USP7: variants seen among roughly 807,000 people sequenced by gnomAD.
USP7 encodes the protein ubiquitin C-terminal hydrolase 7.
In USP7, 9 loss-of-function variants were observed where a neutral mutation model predicts 162.9. That is an observed-to-expected ratio of 0.06 (90% CI 0.03 to 0.10). The LOEUF is 0.10. Ranked by LOEUF, USP7 falls within the 10% of genes least tolerant of loss-of-function variation. The pLI is 1.00. For synonymous variants in USP7, 562 were observed against 475.9 expected (o/e 1.18, Z -2.35); for missense variants, 715 against 1,373.7 (o/e 0.52, Z 7.58).
chr16:8,919,346 C>T (rs575307757), intron 5 of USP7, among the ~76,000 whole-genome samples: 77 of 152,138 alleles, frequency 5.1e-4, no homozygotes, highest in African/African-American at 1.8e-3. Context: ...TCGCACAGCC[C>T]TCGAAGCACC....
At chr16:8,962,972 G>A (rs1459936012) in intron 1 of USP7, 1 of 231,414 alleles carries the variant, frequency 4.3e-6, no homozygotes, top group Non-Finnish European at 8.2e-6. Flanking sequence ...GCGGAGGCCC[G>A]GCGGACGCGA....
chr16:8,908,144 T>G (rs1302806297), intron 12 of USP7, among the ~76,000 whole-genome samples, 197 bp downstream of exon 12: 2 of 152,186 alleles, frequency 1.3e-5, no homozygotes, highest in Non-Finnish European at 2.9e-5. Context: ...GGAAATGGAC[T>G]CGGCAGAGGT....
At chr16:8,927,751 G>C (rs756639146) in intron 2 of USP7, among the ~76,000 whole-genome samples, 1 of 152,202 alleles carries the variant, frequency 6.6e-6, no homozygotes, top group Non-Finnish European at 1.5e-5. Context: ...CAGAAGAATC[G>C]CAAAAACCCA....
At chr16:8,905,564 G>T (rs2061847069) in intron 13 of USP7, among the ~76,000 whole-genome samples, 1 of 152,212 alleles carries the variant, frequency 6.6e-6, no homozygotes, top group South Asian at 2.1e-4. Flanking sequence ...TCAACATTCT[G>T]TGGGCACTGC....
rs553325974 is a variant in USP7, at chr16:8,955,480, T to G, written c.79+7727A>C. Among the ~76,000 whole-genome samples the G allele has an allele frequency of 3.9e-3, 596 of 151,850 alleles. 2 individuals carry two copies. Among genetic ancestry groups the G allele is most frequent in the Non-Finnish European group, 5.7e-3 (384 of 67,900 alleles). ...GCTCACACCTGTAATCCCAGCACTTTGGGAGGCCGAGTGAGGCAGCTCATG... is the reference window on the plus strand; with the variant it reads ...GCTCACACCTGTAATCCCAGCACTTGGGGAGGCCGAGTGAGGCAGCTCATG... On this transcript the variant is annotated intron_variant, in intron 1 of 30. Transcript: ENST00000344836.
intron 3 of USP7, among the ~76,000 whole-genome samples, chr16:8,922,850 C>T (rs891113500): frequency 6.6e-6 from 1 of 152,116 alleles, no homozygotes; most frequent in Non-Finnish European, 1.5e-5. Context: ...ACTTTCTGAA[C>T]AACCCGTACA....
chr16:8,947,980 C>G (rs1899363970), intron 1 of USP7, among the ~76,000 whole-genome samples: 1 of 152,162 alleles, frequency 6.6e-6, no homozygotes, highest in South Asian at 2.1e-4. Flanking sequence ...GCCCTGGAAG[C>G]TTGGACATGG....
chr16:8,944,041 G>A (rs1360222362), intron 1 of USP7, among the ~76,000 whole-genome samples: 3 of 151,978 alleles, frequency 2.0e-5, no homozygotes, highest in South Asian at 2.1e-4. Context: ...GGAGACCCCC[G>A]TCTCTGAAAT....
chr16:8,907,669 C>T (rs982737563), intron 12 of USP7, among the ~76,000 whole-genome samples: 2 of 152,092 alleles, frequency 1.3e-5, no homozygotes, highest in East Asian at 3.9e-4. Flanking sequence ...TAGTGAAACC[C>T]TGTCTCTACT....
At chr16:8,940,301 G>C (rs1266912955) in intron 1 of USP7, among the ~76,000 whole-genome samples, 1 of 152,160 alleles carries the variant, frequency 6.6e-6, no homozygotes, top group Non-Finnish European at 1.5e-5. Flanking sequence ...TTGTCCAATG[G>C]CAAATGTCAA....
intron 18 of USP7, among the ~76,000 whole-genome samples, 194 bp from the exon 19 acceptor site, chr16:8,901,428 C>G (rs1448036298): frequency 6.6e-6 from 1 of 152,162 alleles, no homozygotes; most frequent in Non-Finnish European, 1.5e-5. Flanking sequence ...GAGGCTATTA[C>G]CGCTGAGTTT....
intron 1 of USP7, chr16:8,962,387 T>C: frequency 3.5e-6 from 1 of 287,524 alleles, no homozygotes; most frequent in Non-Finnish European, 7.7e-6. Flanking sequence ...TTACAGCGTC[T>C]TCACATCCAA....
At chr16:8,904,331 G>A in intron 15 of USP7, 104 bp downstream of exon 15, 3 of 1,536,492 alleles carry the variant, frequency 2.0e-6, no homozygotes, top group Non-Finnish European at 2.6e-6. Context: ...CTGCTGCATG[G>A]TGACCTGGGA....
intron 1 of USP7, among the ~76,000 whole-genome samples, chr16:8,942,289 A>G (rs1230063208): frequency 1.3e-5 from 2 of 152,196 alleles, no homozygotes; most frequent in African/African-American, 4.8e-5. Flanking sequence ...TGCCCAGTGG[A>G]GAGTCTGTCG....
intron 1 of USP7, chr16:8,956,198 C>A (rs1346182000): frequency 1.3e-5 from 2 of 152,132 alleles, no homozygotes; most frequent in Non-Finnish European, 2.9e-5. Flanking sequence ...ATTTTTTAAT[C>A]TTCTATGGCA....
chr16:8,941,131 C>T (rs1417857150), intron 1 of USP7, among the ~76,000 whole-genome samples: 1 of 151,632 alleles, frequency 6.6e-6, no homozygotes, highest in Non-Finnish European at 1.5e-5. Flanking sequence ...GGGCCCATGC[C>T]CCATGCCCAT....
intron 1 of USP7, among the ~76,000 whole-genome samples, chr16:8,939,048 C>T (rs1478386667): frequency 2.0e-5 from 3 of 152,206 alleles, no homozygotes; most frequent in African/African-American, 7.2e-5. Flanking sequence ...CTTTGCAAAA[C>T]TACCCTGCCT....
chr16:8,893,936 G>A lies in USP7; in HGVS notation c.*62C>T. On this transcript the variant is annotated 3_prime_UTR_variant, in exon 31 of 31. Coordinates refer to ENST00000344836, the MANE Select transcript of USP7 (RefSeq NM_003470.3). The stretch of plus-strand genomic sequence containing the variant: ...TCGGCTAGAGGGCACGTGCACCAAA[G>A]TTCTAGGCTGTTAAGGGGCCACCCA... 1 of 1,488,044 alleles carries A rather than the reference G, an allele frequency of 6.7e-7. No homozygotes were observed. The highest frequency in any genetic ancestry group is 1.7e-5 in the Admixed American group (1 of 59,774). The allele number at this position is 1,488,044 out of a possible 1,614,324, so 92.2% of individuals were successfully genotyped here.
chr16:8,915,109 T>C, intron 10 of USP7, 145 bp downstream of exon 10: 2 of 755,188 alleles, frequency 2.6e-6, no homozygotes, highest in East Asian at 2.8e-5. Flanking sequence ...AACAAGCCTG[T>C]GTTCACCCAG....
Sources: allele counts gnomAD v4.1 joint callset (sites outside exome capture counted in the v4.1 genomes callset), GRCh38; gene constraint gnomAD v4.1.1; transcripts MANE v1.5; gene names NCBI Gene and HGNC (gene_info 2026-07-23, HGNC 2026-07-21).